The following INF2 variants were observed in gnomAD, a reference collection of about 807,000 sequenced individuals.
The protein encoded by INF2 is inverted formin 2, also known as inverted formin-2.
A neutral mutation model predicts 123.5 loss-of-function variants in INF2; 43 were observed. The ratio of observed to expected loss-of-function variants is 0.35; its 90% CI spans 0.27 to 0.45. The LOEUF (loss-of-function observed/expected upper bound fraction) is 0.45. INF2 is among the 20% of genes least tolerant of loss of function. The probability of loss-of-function intolerance (pLI) is 1.00; values close to 1 mark genes in which losing one functional copy is unlikely to be tolerated. For missense variants in INF2, 1,453 were observed against 1,682.7 expected (o/e 0.86, Z 2.39); for synonymous variants, 851 against 745.0 (o/e 1.14, Z -2.32).
At chr14:104,700,725 C>A in intron 1 of INF2, 1 of 456,586 alleles carries the variant, frequency 2.2e-6, no homozygotes, top group Non-Finnish European at 2.9e-6. Flanking sequence ...ACCCTGAGTG[C>A]CAAGGGTTTC....
upstream of INF2, among the ~76,000 whole-genome samples, chr14:104,687,776 C>T (rs1197253454): frequency 3.3e-5 from 5 of 152,192 alleles, no homozygotes; most frequent in South Asian, 1.0e-3. This position sits in a 1 kb window ranked among gnomAD's most constrained non-coding sequence, Gnocchi z 5.6. Context: ...CTACTCCAGC[C>T]TCTGAGTAAG....
chr14:104,715,262 C>T (rs377339064), intron 21 of INF2, 22 bp from the exon 22 acceptor site: 44 of 1,612,272 alleles, frequency 2.7e-5, no homozygotes, highest in South Asian at 2.3e-4. Flanking sequence ...CCGTTGAGTG[C>T]GTTTCTTTTA....
At chr14:104,691,976 C>G (rs1029805091) in intron 1 of INF2, among the ~76,000 whole-genome samples, 4 of 152,130 alleles carry the variant, frequency 2.6e-5, no homozygotes, top group African/African-American at 9.7e-5. Context: ...TGGTGCCTGT[C>G]CTCTCCTGAG....
chr14:104,715,508 C>A (rs1004239045), intron 22 of INF2, among the ~76,000 whole-genome samples, 168 bp downstream of exon 22: 4 of 152,226 alleles, frequency 2.6e-5, no homozygotes, highest in African/African-American at 9.6e-5. Flanking sequence ...GGCTTCCCGC[C>A]CCATCCCCTC....
In INF2 at chr14:104,699,589, G is replaced by A. The variant is rs1195440449; in HGVS notation, c.-9-1768G>A. 6 of 984,724 alleles carry A rather than the reference G, an allele frequency of 6.1e-6. No homozygotes were observed. The highest frequency in any genetic ancestry group is 7.2e-6 in the Non-Finnish European group (6 of 829,726). 61.0% of individuals were successfully genotyped at this position (984,724 alleles called of 1,614,324 possible). A position where few individuals can be genotyped will look rare whatever the true frequency, so the allele number is the denominator to read the frequency against. ...TGGGCAGAGGTGGCCGGAAGGTCTTGCGCATCTGGGTGAGTGGACGGCCAC... is the reference window on the plus strand; with the variant it reads ...TGGGCAGAGGTGGCCGGAAGGTCTTACGCATCTGGGTGAGTGGACGGCCAC... On this transcript the variant is annotated intron_variant, in intron 1 of 22. Transcript: ENST00000392634. The surrounding 1 kb of genome is among the most constrained non-coding windows in gnomAD (Gnocchi z 4.7).
chr14:104,704,036 CCT>C lies in INF2; in HGVS notation c.701+88_701+89del. Reference sequence around the variant, plus strand: ...TGCCCTTTGGCTCCCAGCCACCTCACCTAAGCAGCACCTCCAGATGGCAGGGA... The same window carrying C: ...TGCCCTTTGGCTCCCAGCCACCTCACAAGCAGCACCTCCAGATGGCAGGGA... On this transcript the variant is annotated intron_variant, in intron 5 of 22. Transcript: ENST00000392634. 3 of 1,593,754 alleles carry C rather than the reference CCT, an allele frequency of 1.9e-6. No individual in the cohort carries two copies. In the South Asian group the frequency reaches 3.3e-5, roughly 18 times the overall value.
At chr14:104,715,709 C>G in intron 22 of INF2, 1 of 529,818 alleles carries the variant, frequency 1.9e-6, no homozygotes, top group Non-Finnish European at 3.6e-6. Flanking sequence ...TTGCTCCTGT[C>G]TGGTGTCCTG....
intron 22 of INF2, chr14:104,715,731 A>G (rs912815674): frequency 1.4e-5 from 7 of 517,954 alleles, no homozygotes; most frequent in African/African-American, 5.7e-5. Context: ...CGCTAACTGC[A>G]GTTCCAGTAA....
chr14:104,708,207 C>T, intron 8 of INF2: 2 of 894,118 alleles, frequency 2.2e-6, no homozygotes, highest in Non-Finnish European at 3.4e-6. Context: ...CTGAGGACCC[C>T]CCTCCACATG....
chr14:104,710,806 C>G, intron 13 of INF2, 131 bp from the exon 14 acceptor site: 1 of 753,486 alleles, frequency 1.3e-6, no homozygotes, highest in South Asian at 1.7e-5. Flanking sequence ...TGTGATCCTT[C>G]CGGTGCTGGG....
chr14:104,707,476 G>C lies in INF2; in HGVS notation c.1209G>C (p.Glu403Asp), dbSNP rs1235365370. 1.3e-6 allele frequency: 2 copies of C among 1,551,640 alleles called. No individual in the cohort carries two copies. The highest frequency in any genetic ancestry group is 2.7e-5 in the African/African-American group (2 of 73,026). ...ACEPVDHAQSESILKVSQPRA... is the reference protein window; with the variant it reads ...ACEPVDHAQSDSILKVSQPRA... Reference sequence around the variant, plus strand: ...AGCCCGTGGACCACGCCCAGAGTGAGAGCATCCTGAAAGTTTCGCAGCCCA... The same window carrying C: ...AGCCCGTGGACCACGCCCAGAGTGACAGCATCCTGAAAGTTTCGCAGCCCA... Residue 403 changes from glutamate (E) to aspartate (D), a missense_variant, in exon 8 of 23, where the codon GAG becomes GAC. Physicochemically the swap from Glu to Asp is conservative, Grantham distance 45. Coordinates refer to ENST00000392634, the MANE Select transcript of INF2 (RefSeq NM_022489.4).
intron 10 of INF2, among the ~76,000 whole-genome samples, 156 bp from the exon 11 acceptor site, chr14:104,709,125 G>A (rs1047948035): frequency 2.0e-5 from 3 of 152,214 alleles, no homozygotes; most frequent in African/African-American, 4.8e-5. Flanking sequence ...CCCCTTCACC[G>A]CGTGACCGTG....
intron 13 of INF2, chr14:104,710,725 T>G: frequency 1.7e-6 from 1 of 590,410 alleles, no homozygotes; most frequent in Non-Finnish European, 3.0e-6. Flanking sequence ...GAGGCACAGC[T>G]CACGTCTGTC....
chr14:104,709,447 C>CG (rs770248072), intron 11 of INF2, 64 bp downstream of exon 11: 280 of 1,398,536 alleles, frequency 2.0e-4, no homozygotes, highest in Non-Finnish European at 2.7e-4. Context: ...GAGGCTGTCC[C>CG]GGGGGCTCCC....
chr14:104,713,869 G>T (rs942010290), intron 20 of INF2, among the ~76,000 whole-genome samples: 1 of 152,268 alleles, frequency 6.6e-6, no homozygotes, highest in Non-Finnish European at 1.5e-5. Context: ...GGGCTCCAGA[G>T]AGATGAGGCC....
In INF2 at chr14:104,711,720, C is replaced by T. The variant is rs201432578; in HGVS notation, c.2489+21C>T. On this transcript the variant is annotated intron_variant, in intron 16 of 22. Coordinates refer to ENST00000392634, the MANE Select transcript of INF2 (RefSeq NM_022489.4). ...GCAGGGTAGGTAGCTCCTGCCAGCC[C>T]GCCCACCTCAGCCAGGTGGGGGCCT... The T allele has an allele frequency of 1.2e-3, 1,862 of 1,609,808 alleles. 7 individuals are homozygous for T. The East Asian group carries it at 0.017, about 14-fold the overall frequency.
rs552595767 is a variant in INF2 at position 104,683,147 on chromosome 14, CAG to C, written c.-104+1569_-104+1570del. 2.1e-4 allele frequency among the ~76,000 whole-genome samples: 30 copies of C among 141,280 alleles called. No homozygotes were observed. The East Asian group carries it at 5.9e-3, about 28-fold the overall frequency. 92.7% of individuals were successfully genotyped at this position (141,280 alleles called of 152,430 possible). The stretch of plus-strand genomic sequence containing the variant: ...GGAGCAGCAAAGGTCCTCAAAGACA[CAG>C]AGACCTGGGGGAGGGGTCTGCGGGT... On this transcript the variant is annotated intron_variant, in intron 1 of 2. Coordinates refer to the INF2 transcript ENST00000674723.
intron 19 of INF2, 28 bp from the exon 20 acceptor site, chr14:104,713,417 C>G (rs199895122): frequency 6.2e-7 from 1 of 1,602,650 alleles, no homozygotes; most frequent in East Asian, 2.2e-5. Flanking sequence ...GGTCCCATGC[C>G]GCTCTCTGAG....
chr14:104,695,645 C>T (rs1017416300), intron 1 of INF2, among the ~76,000 whole-genome samples: 1 of 150,858 alleles, frequency 6.6e-6, no homozygotes, highest in African/African-American at 2.5e-5. Flanking sequence ...CATCCCCCTA[C>T]CCCCCCTACA....
Sources: allele counts gnomAD v4.1 joint callset (sites outside exome capture counted in the v4.1 genomes callset), GRCh38; gene constraint gnomAD v4.1.1; non-coding constraint Gnocchi (gnomAD v3.1); transcripts MANE v1.5; gene names NCBI Gene and HGNC (gene_info 2026-07-23, HGNC 2026-07-21).